Variants in GMDS observed in about 807,000 individuals in gnomAD.
GMDS encodes the protein GDP-mannose 4,6 dehydratase.
GMDS carries 20 observed loss-of-function variants against 49.9 expected under a neutral mutation model. The ratio of observed to expected loss-of-function variants is 0.40; its 90% CI spans 0.28 to 0.58. The LOEUF (loss-of-function observed/expected upper bound fraction) is 0.58, where lower values mean the gene tolerates loss of function less well. Among genes scored for constraint, GMDS ranks in the 20% least tolerant of loss-of-function variants. GMDS has a pLI of 0.42. For missense variants in GMDS, 362 were observed against 481.4 expected (o/e 0.75, Z 2.32); for synonymous variants, 177 against 178.6 (o/e 0.99, Z 0.07).
intron 1 of GMDS, among the ~76,000 whole-genome samples, chr6:2,192,359 C>A (rs560843414): frequency 1.3e-5 from 2 of 152,342 alleles, no homozygotes; most frequent in African/African-American, 4.8e-5. Flanking sequence ...TCACCCTCCA[C>A]TTGTCTGCGT....
intron 7 of GMDS, among the ~76,000 whole-genome samples, chr6:1,751,277 G>A (rs1330056867): frequency 6.6e-6 from 1 of 152,178 alleles, no homozygotes; most frequent in Non-Finnish European, 1.5e-5. Flanking sequence ...CTCCTGACCG[G>A]GAGATACCTC....
At chr6:1,753,994 A>G (rs1260548195) in intron 7 of GMDS, among the ~76,000 whole-genome samples, 1 of 152,182 alleles carries the variant, frequency 6.6e-6, no homozygotes, top group Non-Finnish European at 1.5e-5. Context: ...AAGAGCAAAT[A>G]AATTCAAAAG....
intron 4 of GMDS, among the ~76,000 whole-genome samples, chr6:2,104,920 C>T (rs141709602): frequency 6.8e-4 from 103 of 152,158 alleles, no homozygotes; most frequent in Middle Eastern, 3.4e-3. Flanking sequence ...CGGTGGCTCA[C>T]GCCTATAATC....
At chr6:2,070,634 T>C (rs1351116662) in intron 4 of GMDS, among the ~76,000 whole-genome samples, 1 of 152,004 alleles carries the variant, frequency 6.6e-6, no homozygotes, top group Non-Finnish European at 1.5e-5. Context: ...ATAGCAAAAG[T>C]CAGATGTCTC....
chr6:2,237,467 C>T (rs1382878167), intron 1 of GMDS, among the ~76,000 whole-genome samples: 1 of 150,020 alleles, frequency 6.7e-6, no homozygotes, highest in Non-Finnish European at 1.5e-5. Context: ...CAAAATTCCT[C>T]AAGAAAGGAA....
intron 7 of GMDS, among the ~76,000 whole-genome samples, chr6:1,828,245 AAG>A (rs1221961854): frequency 1.3e-5 from 2 of 152,128 alleles, no homozygotes; most frequent in African/African-American, 4.8e-5. Flanking sequence ...GAGAAACAGA[AAG>A]AAGAATGAAT....
At chr6:2,232,403 CTTTG>C (rs1022094472) in intron 1 of GMDS, among the ~76,000 whole-genome samples, 12 of 152,256 alleles carry the variant, frequency 7.9e-5, no homozygotes, top group African/African-American at 2.2e-4. Flanking sequence ...CCATAACAAT[CTTTG>C]TTTGTCAGCA....
rs570969670 is a variant in GMDS, at chr6:2,095,575, C to T, written c.345+20196G>A. Among the ~76,000 whole-genome samples, 237 of 152,214 alleles carry T rather than the reference C, an allele frequency of 1.6e-3. 1 individual carries two copies. The highest frequency in any genetic ancestry group is 1.7e-3 in the Non-Finnish European group (114 of 68,002). On this transcript the variant is annotated intron_variant, in intron 4 of 10. Coordinates refer to ENST00000380815, the MANE Select transcript of GMDS (RefSeq NM_001500.4). Reference sequence around the variant, plus strand: ...TTTAATCAGAAGAGCTTGTGCTTTCCTAATGGTACATAAAATAATGATGCA... The same window carrying T: ...TTTAATCAGAAGAGCTTGTGCTTTCTTAATGGTACATAAAATAATGATGCA...
intron 1 of GMDS, among the ~76,000 whole-genome samples, chr6:2,213,624 G>A (rs961807968): frequency 2.6e-5 from 4 of 152,196 alleles, no homozygotes; most frequent in South Asian, 2.1e-4. Context: ...TTGCTGGGCC[G>A]TGCTTCAGTG....
intron 4 of GMDS, among the ~76,000 whole-genome samples, chr6:2,051,596 T>A (rs1770398949): frequency 6.6e-6 from 1 of 152,226 alleles, no homozygotes; most frequent in African/African-American, 2.4e-5. Flanking sequence ...TAAGTGAGAT[T>A]GGTCTGTAAT....
At chr6:2,115,694 C>T in intron 4 of GMDS, 77 bp downstream of exon 4, 1 of 793,788 alleles carries the variant, frequency 1.3e-6, no homozygotes, top group East Asian at 2.4e-5. Context: ...TATTACTACA[C>T]TGAGAAGCAG....
At chr6:2,046,836 T>C (rs1357429262) in intron 4 of GMDS, among the ~76,000 whole-genome samples, 2 of 152,204 alleles carry the variant, frequency 1.3e-5, no homozygotes, top group African/African-American at 4.8e-5. Flanking sequence ...AAAGTAACAT[T>C]AATTTGCTCA....
intron 9 of GMDS, among the ~76,000 whole-genome samples, chr6:1,691,092 A>C (rs185750100): frequency 4.4e-4 from 67 of 152,384 alleles, no homozygotes; most frequent in Non-Finnish European, 8.8e-4. Flanking sequence ...CACAATAGCA[A>C]AGACATGGAC....
intron 4 of GMDS, among the ~76,000 whole-genome samples, chr6:2,034,174 A>T (rs947811523): frequency 6.6e-6 from 1 of 152,150 alleles, no homozygotes; most frequent in African/African-American, 2.4e-5. Flanking sequence ...GGGTCAGTAA[A>T]CTTCTTTAGT....
At chr6:2,192,574 G>A (rs1399742374) in intron 1 of GMDS, among the ~76,000 whole-genome samples, 5 of 152,202 alleles carry the variant, frequency 3.3e-5, no homozygotes, top group African/African-American at 1.2e-4. Flanking sequence ...GGGCCCCATG[G>A]TTCCTGGCAT....
chr6:2,207,296 G>T lies in GMDS; in HGVS notation c.102+38025C>A, dbSNP rs533082981. On this transcript the variant is annotated intron_variant, in intron 1 of 10. Transcript: ENST00000380815. ...GAAAAGCAGAAGGTAAAGGCACAGG[G>T]GACATGTCTCCCAACTCTCAACTTC... Among the ~76,000 whole-genome samples the T allele has an allele frequency of 9.2e-5, 14 of 151,988 alleles. No individual in the cohort carries two copies. The South Asian group carries it at 2.9e-3, about 32-fold the overall frequency.
chr6:2,044,676 C>G (rs1267190580), intron 4 of GMDS, among the ~76,000 whole-genome samples: 1 of 152,050 alleles, frequency 6.6e-6, no homozygotes, highest in East Asian at 1.9e-4. Flanking sequence ...TGAGTTCACC[C>G]ATATAACAAA....
At position 2,223,149 on chromosome 6, in the gene GMDS, C is replaced by CTA. The variant is rs531975981; in HGVS notation, c.102+22170_102+22171dup. On this transcript the variant is annotated intron_variant, in intron 1 of 10. Transcript: ENST00000380815. Reference sequence around the variant, plus strand: ...AATCAATAGCGCGCTCTCTCTCTCTCTATATATATATACACACATATATAT... The same window carrying CTA: ...AATCAATAGCGCGCTCTCTCTCTCTCTATATATATATATACACACATATATAT... 6.6e-3 allele frequency among the ~76,000 whole-genome samples: 983 copies of CTA among 149,226 alleles called. 10 individuals carry two copies. The highest frequency in any genetic ancestry group is 0.023 in the African/African-American group (928 of 41,116).
At chr6:1,957,827 G>A (rs1190506625) in intron 6 of GMDS, among the ~76,000 whole-genome samples, 2 of 152,070 alleles carry the variant, frequency 1.3e-5, no homozygotes, top group African/African-American at 4.8e-5. Flanking sequence ...TTAGAGACAG[G>A]GGTCTCACTA....
Sources: allele counts gnomAD v4.1 joint callset (sites outside exome capture counted in the v4.1 genomes callset), GRCh38; gene constraint gnomAD v4.1.1; transcripts MANE v1.5; gene names NCBI Gene and HGNC (gene_info 2026-07-23, HGNC 2026-07-21).